PXDNL: variants seen among roughly 807,000 people sequenced by gnomAD.
The protein encoded by PXDNL is probable oxidoreductase PXDNL.
PXDNL carries 145 observed loss-of-function variants against 150.8 expected under a neutral mutation model. That is an observed-to-expected ratio of 0.96 (90% CI 0.84 to 1.10). PXDNL has a LOEUF of 1.10. Among genes scored for constraint, PXDNL ranks in the 50% least tolerant of loss-of-function variants. The pLI is 0.00. For missense variants in PXDNL, 2,087 were observed against 1,873.9 expected, an observed-to-expected ratio of 1.11 and a Z score of -2.10; for synonymous variants, 757 against 725.7, an observed-to-expected ratio of 1.04 and a Z score of -0.69.
intron 3 of PXDNL, among the ~76,000 whole-genome samples, chr8:51,588,194 G>C (rs1813368107): frequency 6.6e-6 from 1 of 152,154 alleles, no homozygotes; most frequent in African/African-American, 2.4e-5. Flanking sequence ...AATGGATCAA[G>C]TATAAAGAGC....
At chr8:51,360,415 G>T (rs754340073) in intron 19 of PXDNL, among the ~76,000 whole-genome samples, 2 of 151,992 alleles carry the variant, frequency 1.3e-5, no homozygotes, top group Non-Finnish European at 2.9e-5. Context: ...ACTTAAACAT[G>T]CATGTATCAT....
chr8:51,637,827 T>A (rs886295975), intron 2 of PXDNL, among the ~76,000 whole-genome samples: 1 of 152,102 alleles, frequency 6.6e-6, no homozygotes, highest in African/African-American at 2.4e-5. Flanking sequence ...CAGGCCAACA[T>A]TCAAATTCAG....
chr8:51,606,110 T>C (rs1238279423), intron 2 of PXDNL, among the ~76,000 whole-genome samples: 2 of 152,206 alleles, frequency 1.3e-5, no homozygotes, highest in Admixed American at 6.6e-5. Context: ...TTCTATGAGA[T>C]TGTGAATTGT....
At chr8:51,706,963 G>C (rs16916756) in intron 1 of PXDNL, among the ~76,000 whole-genome samples, 81,060 of 152,016 alleles carry the variant, frequency 0.53, 26,355 homozygotes, top group Non-Finnish European at 0.7. Context: ...AAAATGCTTG[G>C]ATTCCAATGA....
chr8:51,740,448 A>G (rs148615188), intron 1 of PXDNL, among the ~76,000 whole-genome samples: 54 of 152,314 alleles, frequency 3.5e-4, no homozygotes, highest in African/African-American at 1.2e-3. Context: ...ATTCCCACCA[A>G]TAGTGTAAAA....
chr8:51,383,678 G>T (rs2130817763), intron 17 of PXDNL, among the ~76,000 whole-genome samples: 1 of 152,260 alleles, frequency 6.6e-6, no homozygotes, highest in Middle Eastern at 3.4e-3. Flanking sequence ...GGAATAATAA[G>T]AGTAAACAGT....
chr8:51,580,000 TATA>T (rs1460196559), intron 3 of PXDNL, among the ~76,000 whole-genome samples: 1 of 149,426 alleles, frequency 6.7e-6, no homozygotes, highest in African/African-American at 2.5e-5. Flanking sequence ...AAACTTAAAG[TATA>T]ATAATAATAA....
chr8:51,358,910 T>C (rs1991691), intron 19 of PXDNL, among the ~76,000 whole-genome samples: 111,505 of 152,092 alleles, frequency 0.73, 41,421 homozygotes, highest in East Asian at 0.94. Flanking sequence ...CCAGCCCTGC[T>C]CAACTGAGGA....
intron 4 of PXDNL, among the ~76,000 whole-genome samples, chr8:51,553,771 T>TACACACAC (rs1554552269): frequency 1.6e-5 from 1 of 63,858 alleles, no homozygotes; most frequent in African/African-American, 9.3e-5. Context: ...TATATATATA[T>TACACACAC]ACACACACTG....
At chr8:51,327,669 T>C (rs1298243330) in intron 21 of PXDNL, among the ~76,000 whole-genome samples, 1 of 152,198 alleles carries the variant, frequency 6.6e-6, no homozygotes. Flanking sequence ...TCCTACAAGA[T>C]ACCAGGACTT....
At chr8:51,458,042 C>T (rs1266773385) in intron 8 of PXDNL, among the ~76,000 whole-genome samples, 1 of 152,148 alleles carries the variant, frequency 6.6e-6, no homozygotes, top group South Asian at 2.1e-4. Context: ...ATATGTAATC[C>T]TTTTACCTCC....
At position 51,403,385 on chromosome 8, in the gene PXDNL, C is replaced by T. The variant is rs536693671; in HGVS notation, c.3557+4682G>A. ...GAGGAGTAGATGCCAAGGAACCACACCCAGCCCCCACCCACCTCTCCCGGA... is the reference window on the plus strand; with the variant it reads ...GAGGAGTAGATGCCAAGGAACCACATCCAGCCCCCACCCACCTCTCCCGGA... On this transcript the variant is annotated intron_variant, in intron 17 of 22. Transcript: ENST00000356297. Among the ~76,000 whole-genome samples, 275 of 152,250 alleles carry T rather than the reference C, an allele frequency of 1.8e-3. 2 individuals carry two copies. The highest frequency in any genetic ancestry group is 6.4e-3 in the African/African-American group (264 of 41,544).
intron 2 of PXDNL, among the ~76,000 whole-genome samples, chr8:51,619,963 C>CCATATCT (rs1281678054): frequency 6.6e-6 from 1 of 152,002 alleles, no homozygotes; most frequent in Non-Finnish European, 1.5e-5. Flanking sequence ...TTGAAGGCTC[C>CCATATCT]CATATCTCAA....
chr8:51,726,033 A>G (rs1217814734), intron 1 of PXDNL, among the ~76,000 whole-genome samples: 2 of 152,246 alleles, frequency 1.3e-5, no homozygotes, highest in African/African-American at 4.8e-5. Flanking sequence ...TAAAATAAAA[A>G]GGATTTGTCC....
intron 14 of PXDNL, among the ~76,000 whole-genome samples, chr8:51,421,134 G>T (rs1808941468): frequency 6.6e-6 from 1 of 152,166 alleles, no homozygotes; most frequent in Admixed American, 6.5e-5. Context: ...AGACAGAGGG[G>T]CAATACAGAG....
intron 1 of PXDNL, among the ~76,000 whole-genome samples, chr8:51,712,708 G>T (rs950655156): frequency 6.6e-6 from 1 of 152,142 alleles, no homozygotes; most frequent in African/African-American, 2.4e-5. Context: ...TTCTATCTAT[G>T]GCACATTTTA....
intron 14 of PXDNL, among the ~76,000 whole-genome samples, chr8:51,413,608 A>G (rs1000273818): frequency 8.5e-5 from 13 of 152,184 alleles, no homozygotes; most frequent in Admixed American, 7.2e-4. Context: ...CTATCTCTTC[A>G]GCCACCTTGC....
intron 1 of PXDNL, among the ~76,000 whole-genome samples, chr8:51,756,720 ATTT>A (rs1056932338): frequency 2.6e-5 from 4 of 151,890 alleles, no homozygotes; most frequent in African/African-American, 9.7e-5. Context: ...TTTTATTGTA[ATTT>A]TTTCTCTCAC....
chr8:51,428,752 C>CA (rs1809175717), intron 12 of PXDNL, among the ~76,000 whole-genome samples: 1 of 151,758 alleles, frequency 6.6e-6, no homozygotes, highest in Non-Finnish European at 1.5e-5. Flanking sequence ...AACTATTATT[C>CA]AAAAAAATAG....
Sources: allele counts gnomAD v4.1 joint callset (sites outside exome capture counted in the v4.1 genomes callset), GRCh38; gene constraint gnomAD v4.1.1; transcripts MANE v1.5; gene names NCBI Gene and HGNC (gene_info 2026-07-23, HGNC 2026-07-21).